SLCO5A1: variants seen among roughly 807,000 people sequenced by gnomAD.
The protein encoded by SLCO5A1 is solute carrier organic anion transporter family member 5A1.
SLCO5A1 carries 39 observed loss-of-function variants against 65.1 expected under a neutral mutation model. The ratio of observed to expected loss-of-function variants is 0.60; its 90% confidence interval spans 0.46 to 0.78. The LOEUF (loss-of-function observed/expected upper bound fraction) is 0.78. SLCO5A1 is among the 30% of genes least tolerant of loss of function. The probability of loss-of-function intolerance (pLI) is 0.00; values close to 1 mark genes in which losing one functional copy is unlikely to be tolerated. For missense variants in SLCO5A1, 1,029 were observed against 1,069.4 expected, an observed-to-expected ratio of 0.96 and a Z score of 0.53; for synonymous variants, 438 against 415.7, an observed-to-expected ratio of 1.05 and a Z score of -0.65.
Position 69,700,352 on chromosome 8 carries a change from C to A in SLCO5A1, c.1622+4679G>T, listed in dbSNP as rs373763908. 4.6e-5 allele frequency: 7 copies of A among 152,236 alleles called. No homozygotes were observed. The East Asian group carries it at 7.7e-4, about 17-fold the overall frequency. The allele number at this position is 152,236 out of a possible 1,614,324, so 9.4% of individuals were successfully genotyped here. A position where few individuals can be genotyped will look rare whatever the true frequency, so the allele number is the denominator to read the frequency against. On this transcript the variant is annotated intron_variant, in intron 6 of 9. Coordinates refer to ENST00000260126, the MANE Select transcript of SLCO5A1 (RefSeq NM_030958.3). ...TGCTCCACCTGCGTCCCTCCTGAAG[C>A]TGCACACTTGGTCAAAGAGGGCAAC... is the stretch of plus-strand genomic sequence containing the variant.
At chr8:69,746,286 A>G (rs1277930130) in intron 4 of SLCO5A1, among the ~76,000 whole-genome samples, 1 of 152,186 alleles carries the variant, frequency 6.6e-6, no homozygotes, top group Non-Finnish European at 1.5e-5. Flanking sequence ...TTATCTCAAT[A>G]CTTAAATTAT....
chr8:69,720,202 A>G (rs1815752775), intron 5 of SLCO5A1, among the ~76,000 whole-genome samples: 2 of 152,252 alleles, frequency 1.3e-5, no homozygotes, highest in South Asian at 4.1e-4. Context: ...TTGAAAAGCT[A>G]TAAGAAGTAA....
At chr8:69,781,070 C>T (rs988498655) in intron 2 of SLCO5A1, among the ~76,000 whole-genome samples, 9 of 152,176 alleles carry the variant, frequency 5.9e-5, no homozygotes, top group Admixed American at 1.3e-4. Context: ...TCAGTAATTA[C>T]GGTGAAGCCT....
At chr8:69,678,746 T>A (rs1233305095) in intron 8 of SLCO5A1, among the ~76,000 whole-genome samples, 1 of 145,890 alleles carries the variant, frequency 6.9e-6, no homozygotes, top group Admixed American at 6.8e-5. Flanking sequence ...CATGTCCTCT[T>A]ATAAACAAAA....
At chr8:69,674,866 A>AAAC (rs200186215) in intron 9 of SLCO5A1, among the ~76,000 whole-genome samples, 1 of 49,452 alleles carries the variant, frequency 2.0e-5, no homozygotes, top group African/African-American at 6.8e-5. Flanking sequence ...ACTAAAAAAA[A>AAAC]AAACAAAAAA....
chr8:69,769,585 C>CTAT (rs1818225718), intron 2 of SLCO5A1, among the ~76,000 whole-genome samples: 1 of 152,128 alleles, frequency 6.6e-6, no homozygotes, highest in Non-Finnish European at 1.5e-5. Flanking sequence ...TCTCTAATAA[C>CTAT]TATTATTACA....
intron 2 of SLCO5A1, among the ~76,000 whole-genome samples, chr8:69,795,492 T>C (rs887084512): frequency 3.3e-5 from 5 of 152,180 alleles, no homozygotes; most frequent in Non-Finnish European, 7.4e-5. Context: ...CTCCTTTGAC[T>C]CCAAGTCCCA....
intron 6 of SLCO5A1, among the ~76,000 whole-genome samples, chr8:69,695,617 T>G: frequency 6.6e-6 from 1 of 152,162 alleles, no homozygotes; most frequent in Non-Finnish European, 1.5e-5. Flanking sequence ...TAAGTAATTA[T>G]GCTGGTAACC....
rs1212407759 is a variant in SLCO5A1 at position 69,679,625 on chromosome 8, T to C, written c.1783-6A>G. ...CATTCTGTATAATTCCGTATCTAAG[T>C]GAGCAAAATAAAGATGAGTTGTGTG... On this transcript the variant is annotated splice_region_variant and splice_polypyrimidine_tract_variant and intron_variant, in intron 7 of 9. Coordinates refer to ENST00000260126, the MANE Select transcript of SLCO5A1 (RefSeq NM_030958.3). The C allele has an allele frequency of 6.2e-7, 1 of 1,612,832 alleles. No individual in the cohort carries two copies. The highest frequency in any genetic ancestry group is 1.3e-5 in the African/African-American group (1 of 74,912).
intron 6 of SLCO5A1, among the ~76,000 whole-genome samples, chr8:69,696,012 C>A (rs1336094479): frequency 1.3e-5 from 2 of 152,120 alleles, no homozygotes; most frequent in African/African-American, 2.4e-5. Context: ...GATTGCTCAG[C>A]AAATATGAGG....
chr8:69,705,251 G>C, intron 5 of SLCO5A1, 22 bp from the exon 6 acceptor site: 1 of 1,605,072 alleles, frequency 6.2e-7, no homozygotes, highest in Non-Finnish European at 8.5e-7. Context: ...AGAAGGAGAG[G>C]ATTAATTTGA....
intron 5 of SLCO5A1, among the ~76,000 whole-genome samples, chr8:69,716,507 T>C (rs779521701): frequency 6.6e-6 from 1 of 152,188 alleles, no homozygotes; most frequent in African/African-American, 2.4e-5. Flanking sequence ...AATAGTTGAT[T>C]TTAGCCATCT....
chr8:69,739,929 G>C (rs1816723302), intron 4 of SLCO5A1, among the ~76,000 whole-genome samples: 1 of 152,102 alleles, frequency 6.6e-6, no homozygotes, highest in Non-Finnish European at 1.5e-5. Flanking sequence ...CCAATGTGTT[G>C]ACTCTAAAAC....
chr8:69,744,731 G>T (rs1213558960), intron 4 of SLCO5A1, among the ~76,000 whole-genome samples: 2 of 152,138 alleles, frequency 1.3e-5, no homozygotes, highest in Non-Finnish European at 2.9e-5. Flanking sequence ...GCAATAATTT[G>T]TACTAAAGCA....
intron 2 of SLCO5A1, among the ~76,000 whole-genome samples, chr8:69,768,296 A>ATGACCATGACCCTTATTTCTTATCC (rs1818166456): frequency 6.6e-6 from 1 of 152,226 alleles, no homozygotes; most frequent in Non-Finnish European, 1.5e-5. Flanking sequence ...GATCAAAAGA[A>ATGACCATGACCCTTATTTCTTATCC]TGACCATGAC....
At chr8:69,784,861 A>AAGAAAGAG (rs1376200828) in intron 2 of SLCO5A1, among the ~76,000 whole-genome samples, 63 of 135,528 alleles carry the variant, frequency 4.6e-4, no homozygotes, top group African/African-American at 1.5e-3. Context: ...GAAAGAAAGA[A>AAGAAAGAG]AGGGAAGGAA....
In SLCO5A1 at chr8:69,768,266, A is replaced by G. The variant is rs555827629; in HGVS notation, c.908-6391T>C. On this transcript the variant is annotated intron_variant, in intron 2 of 9. Coordinates refer to ENST00000260126, the MANE Select transcript of SLCO5A1 (RefSeq NM_030958.3). ...GGGAGGCATTCAATATGAATTTTTTATAGATTGATTACATATCATGATCAA... is the reference window on the plus strand; with the variant it reads ...GGGAGGCATTCAATATGAATTTTTTGTAGATTGATTACATATCATGATCAA... Among the ~76,000 whole-genome samples, 7 of 152,280 alleles carry G rather than the reference A, an allele frequency of 4.6e-5. No individual in the cohort carries two copies. In the South Asian group the frequency reaches 1.5e-3, roughly 32 times the overall value.
At chr8:69,775,911 A>C (rs533224963) in intron 2 of SLCO5A1, among the ~76,000 whole-genome samples, 1 of 152,282 alleles carries the variant, frequency 6.6e-6, no homozygotes, top group African/African-American at 2.4e-5. Flanking sequence ...GCTACTTGGG[A>C]GGTTGAGCCA....
intron 2 of SLCO5A1, among the ~76,000 whole-genome samples, chr8:69,802,443 C>T (rs1336252918): frequency 2.0e-5 from 3 of 151,124 alleles, no homozygotes; most frequent in Non-Finnish European, 2.9e-5. Context: ...GAAGTCAAGG[C>T]TGCAGTGAGC....
Sources: allele counts gnomAD v4.1 joint callset (sites outside exome capture counted in the v4.1 genomes callset), GRCh38; gene constraint gnomAD v4.1.1; transcripts MANE v1.5; gene names NCBI Gene and HGNC (gene_info 2026-07-23, HGNC 2026-07-21).